DNAH11: variants seen among roughly 807,000 people sequenced by gnomAD.
DNAH11 encodes the protein dynein axonemal heavy chain 11, also known as axonemal beta dynein heavy chain 11.
DNAH11 carries 442 observed loss-of-function variants against 526.0 expected under a neutral mutation model. The observed-to-expected ratio is 0.84, with a 90% CI of 0.78 to 0.91. The LOEUF (loss-of-function observed/expected upper bound fraction) is 0.91, where lower values mean the gene tolerates loss of function less well. DNAH11 is among the 40% of genes least tolerant of loss of function. DNAH11 has a pLI of 0.00. For synonymous variants in DNAH11, 2,461 were observed against 1,935.9 expected (o/e 1.27, Z -7.12); for missense variants, 6,989 against 5,448.7 (o/e 1.28, Z -8.90).
chr7:21,804,229 C>T (rs1481842661), intron 62 of DNAH11, among the ~76,000 whole-genome samples: 1 of 152,174 alleles, frequency 6.6e-6, no homozygotes, highest in African/African-American at 2.4e-5. Context: ...CTGCCTCAGC[C>T]TCCCGAGTAC....
At chr7:21,648,514 C>T (rs1460053333) in intron 28 of DNAH11, among the ~76,000 whole-genome samples, 1 of 152,118 alleles carries the variant, frequency 6.6e-6, no homozygotes, top group Non-Finnish European at 1.5e-5. Context: ...ATGAACATGC[C>T]CATACCCAAG....
chr7:21,765,109 T>G (rs954845712), intron 54 of DNAH11, among the ~76,000 whole-genome samples: 1 of 152,216 alleles, frequency 6.6e-6, no homozygotes, highest in Non-Finnish European at 1.5e-5. Flanking sequence ...TAATTTTTAT[T>G]TTTATTATAA....
intron 68 of DNAH11, among the ~76,000 whole-genome samples, chr7:21,855,093 G>A (rs1030103816): frequency 1.2e-4 from 17 of 147,588 alleles, no homozygotes; most frequent in South Asian, 4.3e-4. Flanking sequence ...GTGCAGTGGC[G>A]CGATCTTGGC....
At chr7:21,865,406 A>C (rs976861604) in intron 70 of DNAH11, among the ~76,000 whole-genome samples, 1 of 152,234 alleles carries the variant, frequency 6.6e-6, no homozygotes, top group African/African-American at 2.4e-5. Flanking sequence ...GGGTCTTAAC[A>C]GGAAACAGAT....
intron 22 of DNAH11, 131 bp from the exon 23 acceptor site, chr7:21,617,488 G>A: frequency 9.4e-7 from 1 of 1,067,024 alleles, no homozygotes; most frequent in South Asian, 1.7e-5. Flanking sequence ...TTTGCTCCTT[G>A]GTCTAGGAGT....
chr7:21,677,985 T>A (rs2965389), intron 30 of DNAH11, among the ~76,000 whole-genome samples: 1 of 151,950 alleles, frequency 6.6e-6, no homozygotes, highest in African/African-American at 2.4e-5. Context: ...TTATCAGATA[T>A]ATTGTTTGTA....
At position 21,581,991 on chromosome 7, in the gene DNAH11, T is replaced by A. The variant is rs72655987; in HGVS notation, c.1680T>A (p.Phe560Leu). Reference sequence around the variant, plus strand: ...GGACAATTATTTGTGAAGCTTTCTTTAACTGCAATGGCTTAGAAGCTGCAT... The same window carrying A: ...GGACAATTATTTGTGAAGCTTTCTTAAACTGCAATGGCTTAGAAGCTGCAT... ...RLGTIICEAF[F>L]NCNGLEAAFK... The change falls in exon 9 of 82, where the codon TTT becomes TTA. Residue 560 changes from phenylalanine (F) to leucine (L), a missense_variant. Physicochemically the swap from Phe to Leu is conservative, Grantham distance 22. Transcript: ENST00000409508. 509 of 1,613,062 alleles carry A rather than the reference T, an allele frequency of 3.2e-4. 3 individuals are homozygous for A. The highest frequency in any genetic ancestry group is 2.7e-5 in the Non-Finnish European group (32 of 1,179,184).
At chr7:21,548,920 T>C (rs973233967) in intron 2 of DNAH11, among the ~76,000 whole-genome samples, 1 of 151,960 alleles carries the variant, frequency 6.6e-6, no homozygotes, top group East Asian at 1.9e-4. Flanking sequence ...TTGCTCTTAT[T>C]GCCCAGGCTG....
Position 21,589,129 on chromosome 7 carries a change from T to C in DNAH11, c.1974-79T>C, listed in dbSNP as rs558407862. 2.3e-4 allele frequency: 239 copies of C among 1,045,832 alleles called. No homozygotes were observed. In the African/African-American group the frequency reaches 3.7e-3, roughly 16 times the overall value. 64.8% of individuals were successfully genotyped at this position (1,045,832 alleles called of 1,614,324 possible). ...TGTTTATAGTGTATTATATTTTATA[T>C]ATTGTATTACTATACAATTATTAAG... On this transcript the variant is annotated intron_variant, in intron 11 of 81. Coordinates refer to ENST00000409508, the MANE Select transcript of DNAH11 (RefSeq NM_001277115.2).
In DNAH11 at chr7:21,779,114, AT is replaced by A; in HGVS notation, c.9483+12del. Reference sequence around the variant, plus strand: ...TGCTGAGGAGCGAAAGGTCAGGCTAATTCCAACATTTAGAGTGCGGAGCTAT... The same window carrying A: ...TGCTGAGGAGCGAAAGGTCAGGCTAATCCAACATTTAGAGTGCGGAGCTAT... On this transcript the variant is annotated intron_variant, in intron 57 of 81. Transcript: ENST00000409508. The A allele has an allele frequency of 6.2e-7, 1 of 1,609,160 alleles. No individual in the cohort carries two copies. Among genetic ancestry groups the A allele is most frequent in the Non-Finnish European group, 8.5e-7 (1 of 1,176,336 alleles).
intron 49 of DNAH11, among the ~76,000 whole-genome samples, chr7:21,742,862 A>C (rs1355600982): frequency 6.6e-6 from 1 of 152,148 alleles, no homozygotes; most frequent in African/African-American, 2.4e-5. Flanking sequence ...ATTCATAAAT[A>C]ATAGAATTTT....
intron 23 of DNAH11, 142 bp downstream of exon 23, chr7:21,617,919 T>A (rs765739120): frequency 1.0e-6 from 1 of 985,396 alleles, no homozygotes; most frequent in East Asian, 2.8e-5. Context: ...GCCTTTTTGC[T>A]GTCTAGAAAA....
At position 21,899,416 on chromosome 7, in the gene DNAH11, C is replaced by G. The variant is rs759005216; in HGVS notation, c.13130C>G (p.Ser4377Cys). 24 of 1,613,786 alleles carry G rather than the reference C, an allele frequency of 1.5e-5. No homozygotes were observed. The highest frequency in any genetic ancestry group is 4.2e-6 in the Non-Finnish European group (5 of 1,179,822). The part of the protein sequence containing the change: ...DLTLPAVVWL[S>C]GFFNPQSFLT... The stretch of plus-strand genomic sequence containing the variant: ...ACCCTTCCGGCTGTCGTGTGGCTCT[C>G]CGGCTTCTTCAACCCTCAGTCCTTC... Residue 4377 changes from serine to cysteine, a missense_variant, in exon 80 of 82, where the codon TCC (serine) becomes TGC (cysteine). By Grantham distance (112) the Ser-to-Cys change is moderately radical. Coordinates refer to ENST00000409508, the MANE Select transcript of DNAH11 (RefSeq NM_001277115.2).
At chr7:21,811,587 T>C (rs1789526681) in intron 63 of DNAH11, among the ~76,000 whole-genome samples, 1 of 152,110 alleles carries the variant, frequency 6.6e-6, no homozygotes, top group African/African-American at 2.4e-5. Context: ...TGGGGAGTTA[T>C]TGTTTAATAG....
intron 28 of DNAH11, among the ~76,000 whole-genome samples, chr7:21,649,314 A>G (rs1294775659): frequency 6.6e-6 from 1 of 152,214 alleles, no homozygotes; most frequent in Non-Finnish European, 1.5e-5. Flanking sequence ...AAATACATAG[A>G]TGGACCAAAA....
chr7:21,656,394 T>A (rs13244343), intron 29 of DNAH11, among the ~76,000 whole-genome samples: 56,065 of 152,068 alleles, frequency 0.37, 12,143 homozygotes, highest in Non-Finnish European at 0.49. Flanking sequence ...AGAGGCTTTG[T>A]GGTTCAGTAG....
At chr7:21,681,725 G>A in intron 31 of DNAH11, 48 bp downstream of exon 31, 1 of 1,609,976 alleles carries the variant, frequency 6.2e-7, no homozygotes, top group Non-Finnish European at 8.5e-7. Flanking sequence ...TTTCCTGAAA[G>A]TGGTGTTTAT....
chr7:21,649,723 T>C (rs1469196700), intron 28 of DNAH11, among the ~76,000 whole-genome samples: 2 of 150,476 alleles, frequency 1.3e-5, no homozygotes, highest in Non-Finnish European at 3.0e-5. Flanking sequence ...TGGAGTGCAA[T>C]AGTGCAATCT....
intron 54 of DNAH11, among the ~76,000 whole-genome samples, chr7:21,759,210 G>A (rs1208685788): frequency 2.0e-5 from 3 of 152,002 alleles, no homozygotes; most frequent in Non-Finnish European, 4.4e-5. Context: ...TTTTCTTCTT[G>A]AATAGGAGAG....
Sources: gnomAD v4.1 joint callset for allele counts (sites outside exome capture counted in the v4.1 genomes callset) on GRCh38, gnomAD v4.1.1 for gene constraint, MANE v1.5 for transcripts, NCBI Gene and HGNC (gene_info 2026-07-23, HGNC 2026-07-21) for gene names.